Variants in ANKS1B observed in about 807,000 individuals in gnomAD.
ANKS1B encodes the protein ankyrin repeat and sterile alpha motif domain-containing protein 1B.
In ANKS1B, 36 loss-of-function variants were observed where a neutral mutation model predicts 148.3. That is an observed-to-expected ratio of 0.24 (90% CI 0.19 to 0.32). The LOEUF is 0.32. Among genes scored for constraint, ANKS1B ranks in the 10% least tolerant of loss-of-function variants. The pLI is 1.00. For synonymous variants in ANKS1B, 542 were observed against 560.8 expected, an observed-to-expected ratio of 0.97 and a Z score of 0.47; for missense variants, 1,157 against 1,542.6, an observed-to-expected ratio of 0.75 and a Z score of 4.19.
At chr12:99,473,439 T>G (rs891636579) in intron 10 of ANKS1B, among the ~76,000 whole-genome samples, 3 of 152,074 alleles carry the variant, frequency 2.0e-5, no homozygotes, top group Non-Finnish European at 4.4e-5. Flanking sequence ...AAAGTTTTCT[T>G]TTCAAGAGCC....
At chr12:99,319,641 C>T (rs1257242649) in intron 12 of ANKS1B, among the ~76,000 whole-genome samples, 1 of 121,124 alleles carries the variant, frequency 8.3e-6, no homozygotes, top group East Asian at 2.0e-4. Flanking sequence ...ATTTGCCAGT[C>T]TGTGTCTTTT....
At chr12:99,586,175 T>C (rs892465519) in intron 9 of ANKS1B, among the ~76,000 whole-genome samples, 5 of 152,206 alleles carry the variant, frequency 3.3e-5, no homozygotes, top group Non-Finnish European at 5.9e-5. Context: ...CTGAATGCTT[T>C]TATCAGCATC....
chr12:99,972,432 C>T (rs1487946318), intron 1 of ANKS1B, among the ~76,000 whole-genome samples: 1 of 152,186 alleles, frequency 6.6e-6, no homozygotes, highest in East Asian at 1.9e-4. Context: ...AGCCTTATTG[C>T]TGATATGGAG....
chr12:99,929,751 G>A (rs1373210409), intron 1 of ANKS1B, among the ~76,000 whole-genome samples: 1 of 152,154 alleles, frequency 6.6e-6, no homozygotes, highest in Admixed American at 6.5e-5. Context: ...TTATTAAAAA[G>A]GGAATCCTTT....
chr12:98,929,611 A>G (rs1032882872), intron 17 of ANKS1B, among the ~76,000 whole-genome samples: 1 of 152,004 alleles, frequency 6.6e-6, no homozygotes, highest in Non-Finnish European at 1.5e-5. Flanking sequence ...CAATGAAAAT[A>G]ATTTATATTT....
chr12:99,257,037 G>A (rs1167502032), intron 12 of ANKS1B, among the ~76,000 whole-genome samples: 1 of 152,136 alleles, frequency 6.6e-6, no homozygotes, highest in Non-Finnish European at 1.5e-5. Context: ...GAGGTCAGGA[G>A]ATCGAGACCA....
At chr12:99,620,304 G>A (rs536580024) in intron 9 of ANKS1B, among the ~76,000 whole-genome samples, 1 of 152,250 alleles carries the variant, frequency 6.6e-6, no homozygotes, top group Admixed American at 6.5e-5. Context: ...AGATGAGAAA[G>A]ATTCTGGCAC....
At chr12:99,893,368 G>A (rs57268387) in intron 1 of ANKS1B, among the ~76,000 whole-genome samples, 9,290 of 147,238 alleles carry the variant, frequency 0.063, 324 homozygotes, top group Middle Eastern at 0.17. Flanking sequence ...CCGAGATCGC[G>A]CCACTGCACT....
intron 22 of ANKS1B, among the ~76,000 whole-genome samples, chr12:98,783,292 A>G (rs927688068): frequency 6.6e-6 from 1 of 152,240 alleles, no homozygotes; most frequent in Non-Finnish European, 1.5e-5. Flanking sequence ...GTGTGCAAAC[A>G]CCAGTCTGCT....
At chr12:99,785,323 T>C (rs2064899686) in intron 4 of ANKS1B, among the ~76,000 whole-genome samples, 1 of 151,690 alleles carries the variant, frequency 6.6e-6, no homozygotes, top group South Asian at 2.1e-4. Context: ...AGTGTCAAGG[T>C]AGCAATTTTG....
chr12:99,146,389 A>C (rs1330189418), intron 15 of ANKS1B, among the ~76,000 whole-genome samples: 2 of 152,162 alleles, frequency 1.3e-5, no homozygotes, highest in Non-Finnish European at 2.9e-5. Flanking sequence ...GTGTTGGGGA[A>C]TACTTCCTGG....
At chr12:99,000,169 A>C (rs1020240499) in intron 17 of ANKS1B, among the ~76,000 whole-genome samples, 4 of 152,074 alleles carry the variant, frequency 2.6e-5, no homozygotes, top group Admixed American at 2.6e-4. Context: ...AACAACAAAA[A>C]TAGTGACAAA....
intron 14 of ANKS1B, among the ~76,000 whole-genome samples, chr12:99,204,573 C>A (rs2082416200): frequency 6.6e-6 from 1 of 152,206 alleles, no homozygotes; most frequent in African/African-American, 2.4e-5. Flanking sequence ...TTACAGCCAC[C>A]TGAATGCCCT....
chr12:99,540,680 T>C (rs1035501988), intron 9 of ANKS1B, among the ~76,000 whole-genome samples: 7 of 152,146 alleles, frequency 4.6e-5, no homozygotes, highest in African/African-American at 1.4e-4. Flanking sequence ...GAGAAATTTA[T>C]AGCTGTAAGC....
intron 1 of ANKS1B, among the ~76,000 whole-genome samples, chr12:99,951,349 CCTTT>C (rs2095217053): frequency 6.6e-6 from 1 of 152,210 alleles, no homozygotes; most frequent in Admixed American, 6.5e-5. Flanking sequence ...TAGCTTCCTT[CCTTT>C]TTCTTGTCCT....
At chr12:99,804,104 CT>C (rs1429410077) in intron 4 of ANKS1B, among the ~76,000 whole-genome samples, 1 of 152,108 alleles carries the variant, frequency 6.6e-6, no homozygotes, top group Non-Finnish European at 1.5e-5. Flanking sequence ...ATGAAAGGAT[CT>C]TGGTCAGGGA....
At chr12:98,808,819 A>T (rs766715029) in intron 19 of ANKS1B, among the ~76,000 whole-genome samples, 15 of 152,204 alleles carry the variant, frequency 9.9e-5, no homozygotes, top group Non-Finnish European at 2.2e-4. Context: ...AAATCACAGA[A>T]AATGGCAGAG....
At chr12:98,816,867 A>G (rs1251508160) in intron 19 of ANKS1B, among the ~76,000 whole-genome samples, 1 of 152,120 alleles carries the variant, frequency 6.6e-6, no homozygotes, top group Non-Finnish European at 1.5e-5. Context: ...GATAACCCCT[A>G]TTAAGCTCTG....
chr12:99,157,993 T>G (rs912365384), intron 14 of ANKS1B, among the ~76,000 whole-genome samples: 1 of 152,038 alleles, frequency 6.6e-6, no homozygotes, highest in Non-Finnish European at 1.5e-5. Flanking sequence ...TATTCAATAA[T>G]TTTTACATGT....
Sources: allele counts gnomAD v4.1 joint callset (sites outside exome capture counted in the v4.1 genomes callset), GRCh38; gene constraint gnomAD v4.1.1; transcripts MANE v1.5; gene names NCBI Gene and HGNC (gene_info 2026-07-23, HGNC 2026-07-21).